POTEI: variants seen among roughly 807,000 people sequenced by gnomAD.
POTEI encodes the protein POTE ankyrin domain family member I.
A neutral mutation model predicts 43.4 loss-of-function variants in POTEI; 14 were observed. The observed-to-expected ratio is 0.32, with a 90% CI of 0.21 to 0.50. The LOEUF is 0.50. Ranked by LOEUF, POTEI falls within the 20% of genes least tolerant of loss-of-function variation. POTEI has a pLI of 0.98. For missense variants in POTEI, 235 were observed against 795.4 expected, an observed-to-expected ratio of 0.30 and a Z score of 8.47; for synonymous variants, 95 against 297.9, an observed-to-expected ratio of 0.32 and a Z score of 7.01.
intron 6 of POTEI, among the ~76,000 whole-genome samples, chr2:130,493,021 C>T (rs1446555276): frequency 2.1e-5 from 3 of 142,454 alleles, no homozygotes; most frequent in Non-Finnish European, 4.6e-5. Context: ...TTATATATTG[C>T]TTTGTTTAAA....
rs950853521 is a variant in POTEI at position 130,459,988 on chromosome 2, C to T, written c.*2828G>A. 3.4e-5 allele frequency: 5 copies of T among 147,434 alleles called. No individual in the cohort carries two copies. Among genetic ancestry groups the T allele is most frequent in the South Asian group, 2.1e-4 (1 of 4,796 alleles). 9.1% of individuals were successfully genotyped at this position (147,434 alleles called of 1,614,324 possible). ...CAGGGCAAGTAAAGCAAAACCCACC[C>T]GTGTAAACACACACAGCAAAGTGAT... On this transcript the variant is annotated 3_prime_UTR_variant, in exon 15 of 15. Coordinates refer to ENST00000451531, the MANE Select transcript of POTEI (RefSeq NM_001277406.2).
At chr2:130,491,461 G>T (rs570293592) in intron 6 of POTEI, among the ~76,000 whole-genome samples, 7 of 133,460 alleles carry the variant, frequency 5.2e-5, no homozygotes, top group African/African-American at 1.9e-4. Context: ...ATGCAAATCC[G>T]CTGAGCTGGT....
At position 130,461,379 on chromosome 2, in the gene POTEI, C is replaced by A. The variant is rs1010503482; in HGVS notation, c.*1437G>T. ...GAGACCTCTGTCGGCCAGAGAACAG[C>A]AGTCAAGGTAGCCAGAGACCCTGGT... On this transcript the variant is annotated 3_prime_UTR_variant, in exon 15 of 15. Coordinates refer to ENST00000451531, the MANE Select transcript of POTEI (RefSeq NM_001277406.2). 6.6e-6 allele frequency: 1 copy of A among 151,998 alleles called. No homozygotes were observed. Among genetic ancestry groups the A allele is most frequent in the Admixed American group, 6.5e-5 (1 of 15,278 alleles). The allele number at this position is 151,998 out of a possible 1,614,324, so 9.4% of individuals were successfully genotyped here. A position where few individuals can be genotyped will look rare whatever the true frequency, so the allele number is the denominator to read the frequency against.
rs1449214959 is a variant in POTEI at position 130,462,493 on chromosome 2, T to A, written c.*323A>T. On this transcript the variant is annotated 3_prime_UTR_variant, in exon 15 of 15. Coordinates refer to ENST00000451531, the MANE Select transcript of POTEI (RefSeq NM_001277406.2). ...AACTAGGGAGAGGACTGGGCCATTC[T>A]CCTTAGAGAGAAGTGGGGTGGCTTT... 2 of 338,114 alleles carry A rather than the reference T, an allele frequency of 5.9e-6. No individual in the cohort carries two copies. Among genetic ancestry groups the A allele is most frequent in the African/African-American group, 2.1e-5 (1 of 46,624 alleles). 20.9% of individuals were successfully genotyped at this position (338,114 alleles called of 1,614,324 possible). A position where few individuals can be genotyped will look rare whatever the true frequency, so the allele number is the denominator to read the frequency against.
At chr2:130,491,214 GCAAGGTTAAGAAAA>G (rs1683719055) in intron 6 of POTEI, among the ~76,000 whole-genome samples, 2 of 136,530 alleles carry the variant, frequency 1.5e-5, no homozygotes, top group Admixed American at 7.9e-5. Context: ...ACATCCCACA[GCAAGGTTAAGAAAA>G]CAAAATCCTT....
At chr2:130,477,871 G>C (rs79815312) in intron 10 of POTEI, among the ~76,000 whole-genome samples, 1 of 142,128 alleles carries the variant, frequency 7.0e-6, no homozygotes, top group Admixed American at 7.0e-5. Flanking sequence ...GCGGGAGCGA[G>C]GCCTGAAAGA....
Position 130,463,599 on chromosome 2 carries a change from G to A in POTEI, c.2445C>T (p.Asn815=). 2 of 1,604,792 alleles carry A rather than the reference G, an allele frequency of 1.2e-6. No homozygotes were observed. The highest frequency in any genetic ancestry group is 1.7e-6 in the Non-Finnish European group (2 of 1,178,782). The change falls in exon 15 of 15, where the codon AAC becomes AAT. Residue 815 remains asparagine, a synonymous_variant. Transcript: ENST00000451531. ...ACATGATCTGGGTCATCTTCTCGCGGTTGGCCTTGGGGTTCAGGGGGGCCT... is the reference window on the plus strand; with the variant it reads ...ACATGATCTGGGTCATCTTCTCGCGATTGGCCTTGGGGTTCAGGGGGGCCT... ...LTEAPLNPKA[N]REKMTQIMFE...
chr2:130,476,197 T>A lies in POTEI; in HGVS notation c.1551+434A>T, dbSNP rs1439353295. Among the ~76,000 whole-genome samples, 6 of 29,334 alleles carry A rather than the reference T, an allele frequency of 2.0e-4. 2 individuals carry two copies. The highest frequency in any genetic ancestry group is 3.1e-4 in the Non-Finnish European group (5 of 16,298). 19.2% of individuals were successfully genotyped at this position (29,334 alleles called of 152,430 possible). A position where few individuals can be genotyped will look rare whatever the true frequency, so the allele number is the denominator to read the frequency against. ...AATAAATTTTAAGAACCTATTAAAA[T>A]ATATATATATATTTTTTTCAGATGG... On this transcript the variant is annotated intron_variant, in intron 11 of 14. Transcript: ENST00000451531.
chr2:130,491,757 C>T (rs1187716766), intron 6 of POTEI, among the ~76,000 whole-genome samples: 14 of 105,062 alleles, frequency 1.3e-4, no homozygotes, highest in East Asian at 3.1e-4. Flanking sequence ...CTGGTTCAAG[C>T]GATTCTCCTG....
chr2:130,483,887 A>C (rs914822348), intron 9 of POTEI, among the ~76,000 whole-genome samples: 1 of 150,810 alleles, frequency 6.6e-6, no homozygotes, highest in Admixed American at 6.6e-5. Flanking sequence ...GACCTACGGC[A>C]AACATTTTTA....
At chr2:130,480,519 C>T (rs1452991067) in intron 10 of POTEI, among the ~76,000 whole-genome samples, 20 of 147,516 alleles carry the variant, frequency 1.4e-4, no homozygotes, top group African/African-American at 4.7e-4. Flanking sequence ...AACACACAAT[C>T]TCACTCCATG....
In POTEI at chr2:130,508,880, G is replaced by A. The variant is rs776067687; in HGVS notation, c.356C>T (p.Ala119Val). Residue 119 changes from alanine to valine, a missense_variant, in exon 1 of 15, where the codon GCT becomes GTT. Ala to Val is a moderately conservative substitution (Grantham distance 64). Transcript: ENST00000451531. Reference sequence around the variant, plus strand: ...GGCGCTGTCGTCGTAGTCTCCCCAAGCACCCACGTTGCTCTTGCCGCTCCC... The same window carrying A: ...GGCGCTGTCGTCGTAGTCTCCCCAAACACCCACGTTGCTCTTGCCGCTCCC... ...CRGSGKSNVG[A>V]WGDYDDSAFV... The A allele has an allele frequency of 2.9e-5, 46 of 1,585,242 alleles. 2 individuals carry two copies. Among genetic ancestry groups the A allele is most frequent in the Non-Finnish European group, 8.5e-7 (1 of 1,170,140 alleles).
chr2:130,507,313 TATATAC>T (rs1166756004), intron 1 of POTEI, among the ~76,000 whole-genome samples: 120 of 8,614 alleles, frequency 0.014, 1 homozygote, highest in African/African-American at 0.021. Flanking sequence ...TATATATATA[TATATAC>T]ACACACACAC....
Position 130,462,512 on chromosome 2 carries a change from T to C in POTEI, c.*304A>G. On this transcript the variant is annotated 3_prime_UTR_variant, in exon 15 of 15. Transcript: ENST00000451531. ...CCATTCTCCTTAGAGAGAAGTGGGG[T>C]GGCTTTTAGCAGGGCAAGGGGCTTC... 1 of 363,394 alleles carries C rather than the reference T, an allele frequency of 2.8e-6. No homozygotes were observed. Among genetic ancestry groups the C allele is most frequent in the Non-Finnish European group, 5.2e-6 (1 of 193,930 alleles). The allele number at this position is 363,394 out of a possible 1,614,324, so 22.5% of individuals were successfully genotyped here.
chr2:130,491,740 A>C (rs1205617679), intron 6 of POTEI, among the ~76,000 whole-genome samples: 3 of 102,360 alleles, frequency 2.9e-5, no homozygotes, highest in Non-Finnish European at 6.4e-5. Flanking sequence ...GCAACCTCTG[A>C]CACTCCCTGG....
Position 130,508,993 on chromosome 2 carries a change from G to C in POTEI, c.243C>G (p.Gly81=), listed in dbSNP as rs756998088. The part of the protein sequence containing the change: ...CCRGSGKSNV[G]TSGDHDDSAM... ...CGGAGTCGTCGTGGTCTCCAGAAGT[G>C]CCCACGTTGCTCTTGCCACTCCCCC... The change falls in exon 1 of 15, where the codon GGC becomes GGG. Residue 81 remains glycine (G), a synonymous_variant. Transcript: ENST00000451531. 6 of 1,514,640 alleles carry C rather than the reference G, an allele frequency of 4.0e-6. No homozygotes were observed. The highest frequency in any genetic ancestry group is 1.8e-5 in the Admixed American group (1 of 57,122). The allele number at this position is 1,514,640 out of a possible 1,614,324, so 93.8% of individuals were successfully genotyped here.
intron 6 of POTEI, among the ~76,000 whole-genome samples, chr2:130,491,658 CTTT>C (rs4044419): frequency 8.6e-4 from 5 of 5,838 alleles, no homozygotes; most frequent in African/African-American, 9.6e-4. Context: ...ATTTTTCTTT[CTTT>C]TTTTTTTTTT....
rs1318976202 is a variant in POTEI, at chr2:130,461,086, C to A, written c.*1730G>T. 2 of 151,476 alleles carry A rather than the reference C, an allele frequency of 1.3e-5. No homozygotes were observed. Among genetic ancestry groups the A allele is most frequent in the African/African-American group, 4.9e-5 (2 of 40,894 alleles). 9.4% of individuals were successfully genotyped at this position (151,476 alleles called of 1,614,324 possible). ...AGCTCTGTACCACTGAGGTACGAAC[C>A]TGTTGCCAATCTGAACACACCTATA... On this transcript the variant is annotated 3_prime_UTR_variant, in exon 15 of 15. Coordinates refer to ENST00000451531, the MANE Select transcript of POTEI (RefSeq NM_001277406.2).
At chr2:130,483,771 A>G (rs1027342074) in intron 9 of POTEI, among the ~76,000 whole-genome samples, 34 of 149,046 alleles carry the variant, frequency 2.3e-4, no homozygotes, top group Non-Finnish European at 4.1e-4. Context: ...ATTTTTTTGT[A>G]TTTTTAGTAG....
Sources: gnomAD v4.1 joint callset for allele counts (sites outside exome capture counted in the v4.1 genomes callset) on GRCh38, gnomAD v4.1.1 for gene constraint, MANE v1.5 for transcripts, NCBI Gene and HGNC (gene_info 2026-07-23, HGNC 2026-07-21) for gene names.